The following ATP8B4 variants were observed in gnomAD, a reference collection of about 807,000 sequenced individuals.
The protein encoded by ATP8B4 is probable phospholipid-transporting ATPase IM.
In ATP8B4, 133 loss-of-function variants were observed where a neutral mutation model predicts 145.6. The observed-to-expected ratio is 0.91, with a 90% CI of 0.79 to 1.05. The LOEUF is 1.05. ATP8B4 is among the 50% of genes least tolerant of loss of function. ATP8B4 has a pLI of 0.00. For missense variants in ATP8B4, 1,458 were observed against 1,425.2 expected, an observed-to-expected ratio of 1.02 and a Z score of -0.37; for synonymous variants, 507 against 492.9, an observed-to-expected ratio of 1.03 and a Z score of -0.38.
chr15:50,113,583 A>G (rs1453975678), intron 1 of ATP8B4, among the ~76,000 whole-genome samples: 2 of 152,140 alleles, frequency 1.3e-5, no homozygotes, highest in African/African-American at 4.8e-5. Flanking sequence ...TCACACCTGT[A>G]ATCCCAGCAC....
At chr15:50,074,249 AAAC>A in intron 2 of ATP8B4, 64 bp from the exon 3 acceptor site, 4 of 1,388,256 alleles carry the variant, frequency 2.9e-6, no homozygotes, top group Non-Finnish European at 3.0e-6. Flanking sequence ...TAACTCATTA[AAAC>A]AACAAGACTT....
chr15:49,961,048 G>C (rs1001538385), intron 14 of ATP8B4, among the ~76,000 whole-genome samples: 1 of 152,146 alleles, frequency 6.6e-6, no homozygotes, highest in South Asian at 2.1e-4. Context: ...CAGGAGAATG[G>C]CGTGAACCCA....
intron 1 of ATP8B4, among the ~76,000 whole-genome samples, chr15:50,166,015 T>C (rs997605866): frequency 5.4e-5 from 7 of 129,030 alleles, no homozygotes; most frequent in African/African-American, 1.9e-4. Context: ...ACACCTCATC[T>C]AACTGCTGAA....
chr15:49,875,972 T>A (rs2034354828), intron 25 of ATP8B4, among the ~76,000 whole-genome samples: 1 of 152,220 alleles, frequency 6.6e-6, no homozygotes, highest in African/African-American at 2.4e-5. Flanking sequence ...TTGGAATTTT[T>A]TTTTTCTTCA....
At chr15:49,872,612 C>T (rs968320900) in intron 25 of ATP8B4, among the ~76,000 whole-genome samples, 2 of 152,144 alleles carry the variant, frequency 1.3e-5, no homozygotes, top group South Asian at 4.1e-4. Context: ...AATCCACAAC[C>T]TCAGTCTATT....
chr15:49,958,210 A>G (rs1254945743), intron 14 of ATP8B4, among the ~76,000 whole-genome samples: 1 of 151,530 alleles, frequency 6.6e-6, no homozygotes, highest in African/African-American at 2.4e-5. Flanking sequence ...ATAATCATAT[A>G]AAAATAAAAT....
chr15:49,922,555 A>C (rs2040357733), intron 17 of ATP8B4: 2 of 318,496 alleles, frequency 6.3e-6, no homozygotes, highest in Non-Finnish European at 1.2e-5. Context: ...TTAAAGATTC[A>C]GGGAATGTTT....
rs2031205058 is a variant in ATP8B4 at position 49,859,262 on chromosome 15, T to C, written c.*932A>G. On this transcript the variant is annotated 3_prime_UTR_variant, in exon 28 of 28. Transcript: ENST00000284509. ...AAATAGTAATTAAAACAATTATTTA[T>C]TAATTTGTTTGGCTTCAATTCTGAA... 6.6e-6 allele frequency: 1 copy of C among 152,252 alleles called. No homozygotes were observed. Among genetic ancestry groups the C allele is most frequent in the Non-Finnish European group, 1.5e-5 (1 of 68,044 alleles). 9.4% of individuals were successfully genotyped at this position (152,252 alleles called of 1,614,324 possible). A position where few individuals can be genotyped will look rare whatever the true frequency, so the allele number is the denominator to read the frequency against.
intron 1 of ATP8B4, among the ~76,000 whole-genome samples, chr15:50,107,475 T>C (rs7170947): frequency 0.39 from 59,330 of 152,050 alleles, 13,492 homozygotes; most frequent in Middle Eastern, 0.53. Context: ...CAATTTATTC[T>C]CATGAACGTA....
At chr15:50,111,367 C>G (rs1045369033) in intron 1 of ATP8B4, among the ~76,000 whole-genome samples, 1 of 152,220 alleles carries the variant, frequency 6.6e-6, no homozygotes, top group Non-Finnish European at 1.5e-5. Flanking sequence ...CATTCTGGTT[C>G]TCCTGACAGT....
chr15:50,178,882 G>C (rs2044803050), intron 1 of ATP8B4, among the ~76,000 whole-genome samples: 1 of 152,056 alleles, frequency 6.6e-6, no homozygotes, highest in African/African-American at 2.4e-5. Context: ...TGGGGGAGGG[G>C]GTTGTTCTTA....
chr15:50,077,855 CT>C (rs995950326), intron 2 of ATP8B4, among the ~76,000 whole-genome samples: 1 of 152,118 alleles, frequency 6.6e-6, no homozygotes, highest in African/African-American at 2.4e-5. Flanking sequence ...CTAGTAAAGC[CT>C]GCCTGACTGG....
intron 1 of ATP8B4, among the ~76,000 whole-genome samples, chr15:50,167,204 A>T (rs79292731): frequency 6.6e-6 from 1 of 152,196 alleles, no homozygotes; most frequent in African/African-American, 2.4e-5. Context: ...GGTTTAGCAT[A>T]TTAGTTTCCT....
chr15:50,071,601 C>A (rs1017804107), intron 3 of ATP8B4, among the ~76,000 whole-genome samples: 1 of 152,134 alleles, frequency 6.6e-6, no homozygotes, highest in African/African-American at 2.4e-5. Context: ...GATGGTCAAG[C>A]CTTTCAGAGG....
intron 2 of ATP8B4, among the ~76,000 whole-genome samples, chr15:50,080,183 G>T (rs1196811011): frequency 6.6e-6 from 1 of 152,126 alleles, no homozygotes; most frequent in East Asian, 1.9e-4. Context: ...AATATAATTT[G>T]ATGCCTTCCT....
Position 49,969,716 on chromosome 15 carries a change from C to T in ATP8B4, c.1243+2866G>A, listed in dbSNP as rs770347132. Among the ~76,000 whole-genome samples, 40 of 152,286 alleles carry T rather than the reference C, an allele frequency of 2.6e-4. 1 individual carries two copies. In the Middle Eastern group the frequency reaches 0.01, roughly 39 times the overall value. ...ATACAAAGAGGAGCTGGTACCATTC[C>T]TTCTGAAACTATTCCAAACAATAGA... On this transcript the variant is annotated intron_variant, in intron 13 of 27. Transcript: ENST00000284509.
intron 1 of ATP8B4, among the ~76,000 whole-genome samples, chr15:50,181,590 CAGGCAGGGCCGACT>C (rs1488543390): frequency 6.6e-6 from 1 of 152,230 alleles, no homozygotes; most frequent in Non-Finnish European, 1.5e-5. Context: ...CTCCCCCGAC[CAGGCAGGGCCGACT>C]AGGTTAGAGT....
intron 1 of ATP8B4, among the ~76,000 whole-genome samples, chr15:50,117,813 T>C (rs951253105): frequency 2.0e-5 from 3 of 152,238 alleles, no homozygotes; most frequent in Non-Finnish European, 2.9e-5. Context: ...GGAATATTAT[T>C]CAGCCATGAA....
chr15:49,884,891 T>C (rs2035989231), intron 23 of ATP8B4, among the ~76,000 whole-genome samples: 1 of 152,174 alleles, frequency 6.6e-6, no homozygotes, highest in African/African-American at 2.4e-5. Context: ...GCCAGTTCTA[T>C]GCCTGATGAT....
Sources: gnomAD v4.1 joint callset for allele counts (sites outside exome capture counted in the v4.1 genomes callset) on GRCh38, gnomAD v4.1.1 for gene constraint, MANE v1.5 for transcripts, NCBI Gene and HGNC (gene_info 2026-07-23, HGNC 2026-07-21) for gene names.